Variants in RIMS2 observed in about 807,000 individuals in gnomAD.
RIMS2 encodes regulating synaptic membrane exocytosis protein 2.
RIMS2 carries 59 observed loss-of-function variants against 174.4 expected under a neutral mutation model. The observed-to-expected ratio is 0.34, with a 90% confidence interval of 0.27 to 0.42. RIMS2 has a LOEUF of 0.42. RIMS2 is among the 10% of genes least tolerant of loss of function. The probability of loss-of-function intolerance (pLI) is 1.00; values close to 1 mark genes in which losing one functional copy is unlikely to be tolerated. For synonymous variants in RIMS2, 606 were observed against 572.5 expected, an observed-to-expected ratio of 1.06 and a Z score of -0.84; for missense variants, 1,620 against 1,666.3, an observed-to-expected ratio of 0.97 and a Z score of 0.48.
chr8:104,052,259 A>G (rs1032497303), intron 19 of RIMS2, among the ~76,000 whole-genome samples: 1 of 152,214 alleles, frequency 6.6e-6, no homozygotes, highest in Non-Finnish European at 1.5e-5. Context: ...ACCTCAATAA[A>G]TCTGACTTTT....
chr8:103,559,077 A>ATTTTTTTTTTTTT (rs2091137514), intron 1 of RIMS2: 1 of 19,850 alleles, frequency 5.0e-5, no homozygotes, highest in African/African-American at 3.9e-4. Context: ...TTGCTCTCTG[A>ATTTTTTTTTTTTT]TCATCCTTAT....
rs1020280989 is a variant in RIMS2 at position 104,234,769 on chromosome 8, A to T, written c.3335-10147A>T. On this transcript the variant is annotated intron_variant, in intron 19 of 23. Coordinates refer to ENST00000504942, the Ensembl canonical transcript of RIMS2. ...TCAGTATTAACAATTACAGGAACCCATAATGGGAAATGGGTATGCCAGTCC... is the reference window on the plus strand; with the variant it reads ...TCAGTATTAACAATTACAGGAACCCTTAATGGGAAATGGGTATGCCAGTCC... Among the ~76,000 whole-genome samples the T allele has an allele frequency of 3.3e-5, 5 of 152,310 alleles. 1 individual carries two copies. The highest frequency in any genetic ancestry group is 3.3e-4 in the Admixed American group (5 of 15,292).
At chr8:103,644,932 A>ACCCAG (rs1457248765) in intron 1 of RIMS2, among the ~76,000 whole-genome samples, 4 of 151,960 alleles carry the variant, frequency 2.6e-5, no homozygotes, top group Admixed American at 6.6e-5. Context: ...GCAGATTCTC[A>ACCCAG]CCCAGGAGTT....
chr8:103,879,796 T>G (rs944800275), intron 3 of RIMS2, among the ~76,000 whole-genome samples: 1 of 151,662 alleles, frequency 6.6e-6, no homozygotes, highest in Non-Finnish European at 1.5e-5. Context: ...TATATAAAAG[T>G]ATTTGGAAAC....
intron 1 of RIMS2, among the ~76,000 whole-genome samples, chr8:103,561,911 G>A (rs1028784599): frequency 1.1e-4 from 17 of 152,206 alleles, no homozygotes; most frequent in African/African-American, 3.9e-4. Flanking sequence ...CAAGTTACAT[G>A]TTACAAGGAT....
intron 3 of RIMS2, among the ~76,000 whole-genome samples, chr8:103,835,368 C>G (rs139853761): frequency 1.3e-5 from 2 of 150,500 alleles, no homozygotes; most frequent in East Asian, 2.0e-4. Context: ...CCCAAAGTGC[C>G]GGGATTACAG....
chr8:103,588,187 TAATC>T (rs1052368568), intron 1 of RIMS2, among the ~76,000 whole-genome samples: 1 of 151,790 alleles, frequency 6.6e-6, no homozygotes, highest in Non-Finnish European at 1.5e-5. Flanking sequence ...GAAATTAGCT[TAATC>T]AAAGAAATGA....
chr8:104,131,757 A>T (rs1436621639), intron 19 of RIMS2, among the ~76,000 whole-genome samples: 1 of 152,194 alleles, frequency 6.6e-6, no homozygotes, highest in Admixed American at 6.5e-5. Context: ...AGAGAAAAAC[A>T]TATGCACAGT....
chr8:104,052,188 A>T (rs577383797), intron 19 of RIMS2, among the ~76,000 whole-genome samples: 1 of 152,322 alleles, frequency 6.6e-6, no homozygotes. Flanking sequence ...GACTAAATCC[A>T]TTTGTCAAAT....
chr8:103,510,174 GA>G (rs1469421604), intron 1 of RIMS2, among the ~76,000 whole-genome samples: 2 of 152,106 alleles, frequency 1.3e-5, no homozygotes, highest in African/African-American at 4.8e-5. Flanking sequence ...AAAACTAGGG[GA>G]AAAGGATACA....
At chr8:103,902,070 G>A (rs2073254697) in intron 4 of RIMS2, among the ~76,000 whole-genome samples, 1 of 152,112 alleles carries the variant, frequency 6.6e-6, no homozygotes, top group Non-Finnish European at 1.5e-5. Context: ...ATTTCTATCT[G>A]GACACTTGAT....
chr8:104,048,065 A>T (rs1477912905), intron 19 of RIMS2, among the ~76,000 whole-genome samples: 1 of 152,170 alleles, frequency 6.6e-6, no homozygotes, highest in African/African-American at 2.4e-5. Flanking sequence ...TAAAAATAAA[A>T]GCAATTAAAT....
chr8:104,087,988 G>A (rs1302455991), intron 19 of RIMS2, among the ~76,000 whole-genome samples: 2 of 152,084 alleles, frequency 1.3e-5, no homozygotes, highest in African/African-American at 4.8e-5. Flanking sequence ...GTCCTCAAAT[G>A]TCTTTGGCCT....
At chr8:104,061,237 T>G (rs1598009152) in intron 19 of RIMS2, among the ~76,000 whole-genome samples, 1 of 152,188 alleles carries the variant, frequency 6.6e-6, no homozygotes, top group African/African-American at 2.4e-5. Flanking sequence ...AGGACTTGCT[T>G]TATGAATCTG....
chr8:103,921,870 A>G, intron 10 of RIMS2, 86 bp downstream of exon 13: 1 of 594,366 alleles, frequency 1.7e-6, no homozygotes, highest in Non-Finnish European at 3.0e-6. Flanking sequence ...AAACCAAGTT[A>G]TTCCTAGAAC....
chr8:103,982,851 C>T (rs1354445252), intron 16 of RIMS2, among the ~76,000 whole-genome samples: 5 of 152,122 alleles, frequency 3.3e-5, no homozygotes, highest in South Asian at 2.1e-4. Context: ...ATGGCAAGGA[C>T]GCCCAGTTTC....
intron 19 of RIMS2, among the ~76,000 whole-genome samples, chr8:104,059,131 T>C (rs1597951550): frequency 6.6e-6 from 1 of 151,722 alleles, no homozygotes; most frequent in East Asian, 1.9e-4. Flanking sequence ...TTGATGGGGA[T>C]GGCATTGAAT....
chr8:103,625,048 T>G (rs1050621060), intron 1 of RIMS2, among the ~76,000 whole-genome samples: 18 of 152,304 alleles, frequency 1.2e-4, no homozygotes, highest in Admixed American at 3.9e-4. Flanking sequence ...TAATTAAGTT[T>G]TGTTTCTTAC....
At chr8:103,861,868 A>G (rs2099060729) in intron 3 of RIMS2, among the ~76,000 whole-genome samples, 1 of 152,100 alleles carries the variant, frequency 6.6e-6, no homozygotes, top group South Asian at 2.1e-4. Flanking sequence ...TTCCATGTAG[A>G]TTCTAGATAT....
Sources: gnomAD v4.1 joint callset for allele counts (sites outside exome capture counted in the v4.1 genomes callset) on GRCh38, gnomAD v4.1.1 for gene constraint, MANE v1.5 for transcripts, NCBI Gene and HGNC (gene_info 2026-07-23, HGNC 2026-07-21) for gene names.